The following SLC41A2 variants were observed in gnomAD, a reference collection of about 807,000 sequenced individuals.
SLC41A2 encodes SLC41A1-like 1.
SLC41A2 carries 32 observed loss-of-function variants against 58.3 expected under a neutral mutation model. That is an observed-to-expected ratio of 0.55 (90% confidence interval 0.41 to 0.74). The LOEUF (loss-of-function observed/expected upper bound fraction) is 0.74, where lower values mean the gene tolerates loss of function less well. Among genes scored for constraint, SLC41A2 ranks in the 30% least tolerant of loss-of-function variants. The pLI is 0.00. For synonymous variants in SLC41A2, 190 were observed against 235.0 expected (o/e 0.81, Z 1.75); for missense variants, 514 against 680.6 (o/e 0.76, Z 2.72).
intron 3 of SLC41A2, 116 bp from the exon 4 acceptor site, chr12:104,895,461 C>T: frequency 1.4e-6 from 1 of 696,710 alleles, no homozygotes; most frequent in Middle Eastern, 3.8e-4. Flanking sequence ...ATCCAATGAG[C>T]TCACATTGTA....
At chr12:104,892,367 A>G (rs959055294) in intron 4 of SLC41A2, among the ~76,000 whole-genome samples, 4 of 151,960 alleles carry the variant, frequency 2.6e-5, no homozygotes, top group Non-Finnish European at 5.9e-5. Context: ...AGGACACCAA[A>G]AAGTGTAAAG....
intron 6 of SLC41A2, among the ~76,000 whole-genome samples, chr12:104,875,340 T>C (rs2043993804): frequency 6.6e-6 from 1 of 152,192 alleles, no homozygotes; most frequent in Non-Finnish European, 1.5e-5. Flanking sequence ...TCTCACTATG[T>C]TGCCCAGGCA....
intron 6 of SLC41A2, among the ~76,000 whole-genome samples, chr12:104,881,929 A>G (rs1193830368): frequency 1.3e-5 from 2 of 152,120 alleles, no homozygotes; most frequent in African/African-American, 4.8e-5. Flanking sequence ...AAAATCTCCC[A>G]CTATTATTGT....
intron 2 of SLC41A2, among the ~76,000 whole-genome samples, chr12:104,915,247 T>A (rs187772377): frequency 9.5e-4 from 145 of 152,334 alleles, no homozygotes; most frequent in African/African-American, 3.1e-3. Context: ...AGAGAACATT[T>A]TTTAATTGGT....
At chr12:104,809,520 T>C (rs1223753053) in intron 10 of SLC41A2, among the ~76,000 whole-genome samples, 2 of 152,352 alleles carry the variant, frequency 1.3e-5, no homozygotes, top group South Asian at 2.1e-4. Context: ...TGGTCAATTC[T>C]TCATTAGTGT....
intron 7 of SLC41A2, among the ~76,000 whole-genome samples, 154 bp from the exon 8 acceptor site, chr12:104,861,524 T>C (rs1419128259): frequency 6.6e-6 from 1 of 152,156 alleles, no homozygotes; most frequent in African/African-American, 2.4e-5. Context: ...AAAATCAATG[T>C]CAACAGTAAA....
chr12:104,942,258 C>G (rs898107845), intron 1 of SLC41A2, among the ~76,000 whole-genome samples: 1 of 152,010 alleles, frequency 6.6e-6, no homozygotes, highest in Admixed American at 6.6e-5. Context: ...GCAGGTGGAT[C>G]GCTTGAGCCA....
chr12:104,840,247 C>A (rs2042363629), intron 10 of SLC41A2, among the ~76,000 whole-genome samples: 1 of 152,168 alleles, frequency 6.6e-6, no homozygotes, highest in Non-Finnish European at 1.5e-5. Flanking sequence ...AATGGAGCAT[C>A]CGAGTAAGTA....
chr12:104,875,905 T>G (rs990268194), intron 6 of SLC41A2, among the ~76,000 whole-genome samples: 1 of 152,232 alleles, frequency 6.6e-6, no homozygotes, highest in Non-Finnish European at 1.5e-5. Context: ...AATTCAGCCA[T>G]GAAGCCATTT....
In SLC41A2 at chr12:104,844,591, G is replaced by T; in HGVS notation, c.1417C>A (p.Leu473Met). 1 of 1,553,842 alleles carries T rather than the reference G, an allele frequency of 6.4e-7. No individual in the cohort carries two copies. Among genetic ancestry groups the T allele is most frequent in the South Asian group, 1.3e-5 (1 of 78,066 alleles). Residue 473 changes from leucine to methionine, a missense_variant, in exon 10 of 11, where the codon CTG becomes ATG. This residue lies in a region of SLC41A2 where 128 missense variants were observed against 146.0 expected (regional missense o/e 0.88). Transcript: ENST00000258538. ...AAATGTCCAGGAATCACTAAAAGCAGTAGAACTTGAGCAGACTTATTATTT... is the reference window on the plus strand; with the variant it reads ...AAATGTCCAGGAATCACTAAAAGCATTAGAACTTGAGCAGACTTATTATTT... ...GVNNKSAQVL[L>M]LLVIPGHLIF...
Position 104,927,958 on chromosome 12 carries a change from A to C in SLC41A2, c.555+15T>G. The C allele has an allele frequency of 2.6e-6, 4 of 1,532,972 alleles. No individual in the cohort carries two copies. Among genetic ancestry groups the C allele is most frequent in the Non-Finnish European group, 3.5e-6 (4 of 1,141,932 alleles). The allele number at this position is 1,532,972 out of a possible 1,614,324, so 95.0% of individuals were successfully genotyped here. A position where few individuals can be genotyped will look rare whatever the true frequency, so the allele number is the denominator to read the frequency against. ...CAAAAAAAGACAGTAAAGTTAAATA[A>C]AGATGAAAACCCACCTGTACTATAT... On this transcript the variant is annotated intron_variant, in intron 2 of 10. Coordinates refer to ENST00000258538, the MANE Select transcript of SLC41A2 (RefSeq NM_001352171.3).
chr12:104,904,974 C>T (rs1199133364), intron 3 of SLC41A2, among the ~76,000 whole-genome samples: 2 of 152,120 alleles, frequency 1.3e-5, no homozygotes, highest in Non-Finnish European at 2.9e-5. Flanking sequence ...TGCTTTTATT[C>T]TCTTATCTGG....
At chr12:104,851,265 C>A (rs2042787745) in intron 8 of SLC41A2, among the ~76,000 whole-genome samples, 1 of 152,096 alleles carries the variant, frequency 6.6e-6, no homozygotes, top group Non-Finnish European at 1.5e-5. Flanking sequence ...CTGGAGAATT[C>A]ATTGGTCAGA....
chr12:104,934,379 C>T (rs1408305670), intron 1 of SLC41A2, among the ~76,000 whole-genome samples: 1 of 152,118 alleles, frequency 6.6e-6, no homozygotes, highest in Non-Finnish European at 1.5e-5. Context: ...TATTCAGAAG[C>T]TTAGATGGCT....
chr12:104,876,518 T>C (rs908846127), intron 6 of SLC41A2, among the ~76,000 whole-genome samples: 1 of 152,188 alleles, frequency 6.6e-6, no homozygotes, highest in Non-Finnish European at 1.5e-5. Flanking sequence ...TTTGACCTCT[T>C]GGTTGTTCAG....
intron 1 of SLC41A2, among the ~76,000 whole-genome samples, chr12:104,929,454 A>G (rs1443956450): frequency 6.6e-6 from 1 of 152,252 alleles, no homozygotes; most frequent in East Asian, 1.9e-4. Flanking sequence ...TGCCCTGTCC[A>G]TTCATAGTTC....
rs1038119674 is a variant in SLC41A2 at position 104,802,111 on chromosome 12, G to A, written c.*3041C>T. Among the ~76,000 whole-genome samples, 1 of 151,888 alleles carries A rather than the reference G, an allele frequency of 6.6e-6. No individual in the cohort carries two copies. The highest frequency in any genetic ancestry group is 2.4e-5 in the African/African-American group (1 of 41,352). ...TGATAGTCTATGGTGTGGAATTTTT[G>A]GACACCTACCAGAACACATATTACC... On this transcript the variant is annotated 3_prime_UTR_variant, in exon 11 of 11. Transcript: ENST00000258538.
chr12:104,840,799 A>C (rs998487831), intron 10 of SLC41A2, among the ~76,000 whole-genome samples: 1 of 152,222 alleles, frequency 6.6e-6, no homozygotes, highest in Admixed American at 6.5e-5. Flanking sequence ...GTTTTTCTTA[A>C]ATTTAAAAAA....
chr12:104,866,973 A>G (rs568661317), intron 6 of SLC41A2, among the ~76,000 whole-genome samples: 14 of 152,198 alleles, frequency 9.2e-5, no homozygotes, highest in Admixed American at 7.9e-4. Context: ...AGATACTGTC[A>G]TTTCTATTTT....
Sources: allele counts gnomAD v4.1 joint callset (sites outside exome capture counted in the v4.1 genomes callset), GRCh38; gene constraint gnomAD v4.1.1; regional missense constraint gnomAD v4.1.1; transcripts MANE v1.5; gene names NCBI Gene and HGNC (gene_info 2026-07-23, HGNC 2026-07-21).